Variants in SCLT1 observed in about 807,000 individuals in gnomAD.
SCLT1 encodes the protein sodium channel and clathrin linker 1, also known as sodium channel-associated protein 1.
A neutral mutation model predicts 112.8 loss-of-function variants in SCLT1; 78 were observed. That is an observed-to-expected ratio of 0.69 (90% CI 0.58 to 0.83). SCLT1 has a LOEUF of 0.83. Ranked by LOEUF, SCLT1 falls within the 40% of genes least tolerant of loss-of-function variation. SCLT1 has a pLI of 0.00. For missense variants in SCLT1, 747 were observed against 770.4 expected (o/e 0.97, Z 0.36); for synonymous variants, 257 against 254.7 (o/e 1.01, Z -0.09).
At chr4:129,085,572 A>G (rs1030171734) in intron 1 of SCLT1, among the ~76,000 whole-genome samples, 1 of 152,194 alleles carries the variant, frequency 6.6e-6, no homozygotes, top group East Asian at 1.9e-4. Context: ...ATGTATGTCC[A>G]TTGCAACACT....
chr4:128,957,253 T>A (rs2126010345), intron 12 of SCLT1, 129 bp from the exon 13 acceptor site: 1 of 533,742 alleles, frequency 1.9e-6, no homozygotes, highest in African/African-American at 2.0e-5. Flanking sequence ...AATATCATGT[T>A]GAAATCACGA....
chr4:128,908,380 TA>T (rs11432450), intron 18 of SCLT1, among the ~76,000 whole-genome samples: 118 of 137,664 alleles, frequency 8.6e-4, no homozygotes, highest in East Asian at 1.0e-3. Context: ...TCCTGTTAAT[TA>T]AAAAAAAAAA....
At chr4:129,083,557 C>A (rs1012759147) in intron 1 of SCLT1, among the ~76,000 whole-genome samples, 5 of 151,410 alleles carry the variant, frequency 3.3e-5, no homozygotes, top group Non-Finnish European at 7.4e-5. Context: ...TTTGGGAGGC[C>A]AAAGTAGGAG....
intron 14 of SCLT1, among the ~76,000 whole-genome samples, chr4:128,949,714 CT>C (rs1042395673): frequency 5.3e-5 from 8 of 151,484 alleles, no homozygotes; most frequent in Admixed American, 2.0e-4. Context: ...TGAACTCATC[CT>C]TTTTTATGGC....
intron 1 of SCLT1, among the ~76,000 whole-genome samples, chr4:129,087,825 CT>C (rs1752528925): frequency 6.7e-6 from 1 of 150,054 alleles, no homozygotes; most frequent in African/African-American, 2.4e-5. Context: ...GGCATGATAG[CT>C]CATGCCTATA....
chr4:129,006,496 C>T (rs1236282626), intron 5 of SCLT1, among the ~76,000 whole-genome samples: 1 of 149,144 alleles, frequency 6.7e-6, no homozygotes, highest in Non-Finnish European at 1.5e-5. Flanking sequence ...CAAGATCAAG[C>T]CACTGTACTC....
At chr4:128,987,451 CA>C (rs1429495147) in intron 9 of SCLT1, among the ~76,000 whole-genome samples, 1 of 152,048 alleles carries the variant, frequency 6.6e-6, no homozygotes, top group Non-Finnish European at 1.5e-5. Flanking sequence ...CAACAAATTT[CA>C]AGACAACAGA....
chr4:129,040,287 A>G, intron 4 of SCLT1: 1 of 679,016 alleles, frequency 1.5e-6, no homozygotes, highest in African/African-American at 1.8e-5. Context: ...GGACTGATAC[A>G]GTGAGAGATA....
intron 5 of SCLT1, among the ~76,000 whole-genome samples, chr4:129,008,541 A>G (rs1744231113): frequency 1.3e-5 from 2 of 152,028 alleles, no homozygotes; most frequent in Non-Finnish European, 1.5e-5. Flanking sequence ...TTTTTCAGCT[A>G]TTGTCTCTTC....
chr4:129,059,557 A>T (rs1306164416), intron 2 of SCLT1, among the ~76,000 whole-genome samples: 6 of 151,922 alleles, frequency 3.9e-5, no homozygotes, highest in Non-Finnish European at 7.4e-5. Context: ...GTGGTCATGA[A>T]TTTTCTCAGT....
intron 5 of SCLT1, among the ~76,000 whole-genome samples, chr4:129,014,177 T>C (rs1048762863): frequency 6.6e-6 from 1 of 152,154 alleles, no homozygotes; most frequent in Non-Finnish European, 1.5e-5. Context: ...GGTTTTTTTC[T>C]ATACTGGCTA....
chr4:129,030,328 T>G (rs1746592605), intron 5 of SCLT1, among the ~76,000 whole-genome samples: 1 of 152,102 alleles, frequency 6.6e-6, no homozygotes, highest in South Asian at 2.1e-4. Flanking sequence ...AGAGGGAAAT[T>G]TATAGCACTA....
chr4:129,027,279 G>A (rs1579758578), intron 5 of SCLT1, among the ~76,000 whole-genome samples: 2 of 152,132 alleles, frequency 1.3e-5, no homozygotes, highest in Admixed American at 1.3e-4. Flanking sequence ...TATCCTTGAT[G>A]AACACTGATG....
intron 5 of SCLT1, among the ~76,000 whole-genome samples, chr4:129,021,353 C>T (rs1389073953): frequency 1.3e-5 from 2 of 152,188 alleles, no homozygotes; most frequent in African/African-American, 4.8e-5. Flanking sequence ...CGTTTGCTCC[C>T]CTGGAAAGGG....
intron 9 of SCLT1, among the ~76,000 whole-genome samples, chr4:128,983,184 G>A (rs577122661): frequency 7.6e-4 from 116 of 152,246 alleles, no homozygotes; most frequent in African/African-American, 2.6e-3. Context: ...CACTGCGCCC[G>A]GCCACTACTT....
At chr4:128,970,105 C>T (rs919645618) in intron 10 of SCLT1, among the ~76,000 whole-genome samples, 8 of 152,126 alleles carry the variant, frequency 5.3e-5, no homozygotes, top group Non-Finnish European at 1.0e-4. Flanking sequence ...TTAACTGAAA[C>T]TTGATCTTGT....
intron 2 of SCLT1, among the ~76,000 whole-genome samples, chr4:129,054,683 C>A (rs937467924): frequency 4.6e-5 from 7 of 152,088 alleles, no homozygotes; most frequent in African/African-American, 1.4e-4. Context: ...AGCTTCCTTG[C>A]AGTGGGTTAG....
chr4:129,043,456 G>A lies in SCLT1; in HGVS notation c.173C>T (p.Pro58Leu). The change falls in exon 4 of 21, where the codon CCT (proline) becomes CTT (leucine). Residue 58 changes from proline to leucine, a missense_variant. By Grantham distance (98) the Pro-to-Leu change is moderately conservative (BLOSUM62 -3). Transcript: ENST00000281142. The part of the protein sequence containing the change: ...NLVFDQSFLA[P>L]LVTEYDKHLG... ...GTGTTTATCATACTCAGTAACAAGA[G>A]GAGCTAAAAAGCTAAAAAAAGACAA... 2.6e-6 allele frequency: 4 copies of A among 1,511,824 alleles called. No individual in the cohort carries two copies. The highest frequency in any genetic ancestry group is 1.2e-5 in the South Asian group (1 of 83,478). 93.7% of individuals were successfully genotyped at this position (1,511,824 alleles called of 1,614,324 possible).
intron 11 of SCLT1, among the ~76,000 whole-genome samples, chr4:128,962,927 T>C (rs1300704668): frequency 4.6e-5 from 7 of 152,216 alleles, no homozygotes; most frequent in Non-Finnish European, 1.0e-4. Flanking sequence ...CATATACATA[T>C]ATCCTATGGT....
Sources: allele counts gnomAD v4.1 joint callset (sites outside exome capture counted in the v4.1 genomes callset), GRCh38; gene constraint gnomAD v4.1.1; transcripts MANE v1.5; gene names NCBI Gene and HGNC (gene_info 2026-07-23, HGNC 2026-07-21).